MAMLD1: variants seen among roughly 807,000 people sequenced by gnomAD.
The protein encoded by MAMLD1 is mastermind like domain containing 1.
MAMLD1 carries 14 observed loss-of-function variants against 45.0 expected under a neutral mutation model. That is an observed-to-expected ratio of 0.31 (90% confidence interval 0.21 to 0.49). The LOEUF is 0.49. Ranked by LOEUF, MAMLD1 falls within the 20% of genes least tolerant of loss-of-function variation. The pLI is 0.99. For missense variants in MAMLD1, 543 were observed against 603.6 expected, an observed-to-expected ratio of 0.90 and a Z score of 1.05; for synonymous variants, 254 against 247.8, an observed-to-expected ratio of 1.02 and a Z score of -0.24.
chrX:150,366,347 T>A (rs1557400727), intron 1 of MAMLD1, among the ~76,000 whole-genome samples: 1 of 112,112 alleles, frequency 8.9e-6, no homozygotes, highest in East Asian at 2.8e-4. Flanking sequence ...TCAACGCGCA[T>A]ACACACATCC....
Position 150,445,514 on chromosome X carries a change from A to G in MAMLD1, c.-3A>G, listed in dbSNP as rs2035457101. The G allele has an allele frequency of 8.3e-7, 1 of 1,204,645 alleles. No individual in the cohort carries two copies. Among genetic ancestry groups the G allele is most frequent in the African/African-American group, 1.8e-5 (1 of 56,916 alleles). ...AGTCAAGAATAAATTTGCAGGTCAA[A>G]CAATGGATGACTGGAAAAGTCGGCT... On this transcript the variant is annotated 5_prime_UTR_variant, in exon 2 of 8. Coordinates refer to ENST00000370401, the MANE Select transcript of MAMLD1 (RefSeq NM_005491.5).
intron 3 of MAMLD1, among the ~76,000 whole-genome samples, chrX:150,467,798 T>C (rs1332522736): frequency 5.4e-5 from 6 of 111,524 alleles, no homozygotes; most frequent in Admixed American, 3.8e-4. Flanking sequence ...GGCCTGCCCC[T>C]CTCTGGGTCT....
intron 5 of MAMLD1, among the ~76,000 whole-genome samples, chrX:150,475,995 C>A (rs1557406844): frequency 8.9e-6 from 1 of 112,082 alleles, no homozygotes; most frequent in East Asian, 2.8e-4. Context: ...ATTACTTTTG[C>A]AGAGAAATAT....
Position 150,470,317 on chromosome X carries a change from C to T in MAMLD1, c.744C>T (p.Gly248=). Residue 248 remains glycine (G), a synonymous_variant, in exon 4 of 8, where the codon GGC becomes GGT. Transcript: ENST00000370401. ...EFASSCSQVT[G]MSLQIPSSST... ...CTTCTAGTTGCAGCCAAGTTACTGG[C>T]ATGTCACTTCAGATCCCATCCTCCT... 4.1e-6 allele frequency: 5 copies of T among 1,207,284 alleles called. No homozygotes were observed. The highest frequency in any genetic ancestry group is 4.5e-6 in the Non-Finnish European group (4 of 892,633).
At chrX:150,475,359 G>A (rs1468180182) in intron 5 of MAMLD1, among the ~76,000 whole-genome samples, 15 of 111,556 alleles carry the variant, frequency 1.3e-4, no homozygotes, top group South Asian at 3.7e-4. Flanking sequence ...AGGAACCACC[G>A]CACCTGGTCT....
chrX:150,454,495 A>C (rs2035776365), intron 2 of MAMLD1, among the ~76,000 whole-genome samples: 1 of 112,154 alleles, frequency 8.9e-6, no homozygotes, highest in South Asian at 3.7e-4. Flanking sequence ...TAACAAACAA[A>C]AATCTCCTGT....
At chrX:150,435,398 C>T (rs907588019) in intron 1 of MAMLD1, among the ~76,000 whole-genome samples, 2 of 110,968 alleles carry the variant, frequency 1.8e-5, no homozygotes, top group Non-Finnish European at 3.8e-5. Flanking sequence ...ACCTGTAATC[C>T]CAGCTACTCG....
intron 1 of MAMLD1, among the ~76,000 whole-genome samples, chrX:150,436,145 A>G (rs1301613735): frequency 1.8e-5 from 2 of 108,854 alleles, no homozygotes; most frequent in East Asian, 5.8e-4. Flanking sequence ...TCTGCCTTTA[A>G]CATGATTTTT....
chrX:150,440,900 T>C (rs2035282641), intron 1 of MAMLD1, among the ~76,000 whole-genome samples: 1 of 104,630 alleles, frequency 9.6e-6, no homozygotes, highest in Admixed American at 1.1e-4. Flanking sequence ...ATAATATTTA[T>C]TAAATTTAAA....
chrX:150,413,664 GA>G (rs1338515804), intron 1 of MAMLD1, among the ~76,000 whole-genome samples: 4 of 109,372 alleles, frequency 3.7e-5, no homozygotes, highest in African/African-American at 1.3e-4. Context: ...GGGAAAGGGG[GA>G]AGGGGTGGGA....
intron 5 of MAMLD1, among the ~76,000 whole-genome samples, chrX:150,480,773 T>G (rs958954451): frequency 2.5e-4 from 28 of 112,080 alleles, no homozygotes; most frequent in African/African-American, 9.1e-4. Flanking sequence ...AAAATAAAAG[T>G]GGGTGCTCCA....
At chrX:150,471,741 A>G (rs1434880941) in intron 4 of MAMLD1, among the ~76,000 whole-genome samples, 4 of 112,043 alleles carry the variant, frequency 3.6e-5, no homozygotes, top group African/African-American at 1.3e-4. Flanking sequence ...CTGCACCCAC[A>G]AGGTGCTCCC....
At chrX:150,410,132 G>A (rs2065868583) in intron 1 of MAMLD1, among the ~76,000 whole-genome samples, 1 of 111,659 alleles carries the variant, frequency 9.0e-6, no homozygotes, top group African/African-American at 3.3e-5. Context: ...CATTCAGAGA[G>A]GACACTGAAG....
rs141853778 is a variant in MAMLD1, at chrX:150,504,222, G to A, written c.2284+705G>A. 1.1e-5 allele frequency: 8 copies of A among 751,125 alleles called. No individual in the cohort carries two copies. In the East Asian group the frequency reaches 1.2e-3, roughly 114 times the overall value. The allele number at this position is 751,125 out of a possible 1,213,427, so 61.9% of individuals were successfully genotyped here. A position where few individuals can be genotyped will look rare whatever the true frequency, so the allele number is the denominator to read the frequency against. On this transcript the variant is annotated intron_variant, in intron 6 of 7. Transcript: ENST00000370401. ...TCAGTGGTCATGAGAGCAAGCGGAT[G>A]GACACCAGCCAGAGGGGACCTTTGC... is the stretch of plus-strand genomic sequence containing the variant.
chrX:150,489,780 T>C (rs781785290), intron 5 of MAMLD1, among the ~76,000 whole-genome samples: 1 of 109,954 alleles, frequency 9.1e-6, no homozygotes, highest in South Asian at 4.0e-4. Context: ...GGCACCCGTA[T>C]CGGGTTAGAC....
chrX:150,427,314 A>T (rs1253374163), intron 1 of MAMLD1, among the ~76,000 whole-genome samples: 1 of 112,493 alleles, frequency 8.9e-6, no homozygotes, highest in Non-Finnish European at 1.9e-5. Flanking sequence ...TTGAAGATAG[A>T]CTTGAATTAC....
chrX:150,389,266 C>T (rs188657700), intron 1 of MAMLD1, among the ~76,000 whole-genome samples: 34 of 111,340 alleles, frequency 3.1e-4, no homozygotes, highest in African/African-American at 1.0e-3. Flanking sequence ...AGGCTGGTCT[C>T]GAACTCCTGA....
Position 150,470,781 on chromosome X carries a change from T to G in MAMLD1, c.1208T>G (p.Met403Arg). The change falls in exon 4 of 8, where the codon ATG becomes AGG. Residue 403 changes from methionine to arginine, a missense_variant. By Grantham distance (91) the Met-to-Arg change is moderately conservative. Transcript: ENST00000370401. ...SSSNAALGPA[M>R]PYAPEKLPSP... ...AGCAATGCTGCCCTGGGGCCCGCCA[T>G]GCCCTATGCTCCTGAGAAGCTCCCC... 1 of 1,212,103 alleles carries G rather than the reference T, an allele frequency of 8.3e-7. No individual in the cohort carries two copies. The highest frequency in any genetic ancestry group is 1.8e-5 in the South Asian group (1 of 57,037).
intron 1 of MAMLD1, among the ~76,000 whole-genome samples, chrX:150,395,522 T>C: frequency 9.0e-6 from 1 of 111,694 alleles, no homozygotes; most frequent in Non-Finnish European, 1.9e-5. Context: ...ATTTCTTCCT[T>C]AAGTGTTATG....
Sources: allele counts gnomAD v4.1 joint callset (sites outside exome capture counted in the v4.1 genomes callset), GRCh38; gene constraint gnomAD v4.1.1; transcripts MANE v1.5; gene names NCBI Gene and HGNC (gene_info 2026-07-23, HGNC 2026-07-21).